Variants in ROBO2 observed in about 807,000 individuals in gnomAD.
ROBO2 encodes the protein roundabout guidance receptor 2.
A neutral mutation model predicts 160.8 loss-of-function variants in ROBO2; 53 were observed. That is an observed-to-expected ratio of 0.33 (90% CI 0.26 to 0.41). ROBO2 has a LOEUF of 0.41. Ranked by LOEUF, ROBO2 falls within the 10% of genes least tolerant of loss-of-function variation. The pLI is 1.00. For missense variants in ROBO2, 1,577 were observed against 1,722.4 expected (o/e 0.92, Z 1.49); for synonymous variants, 664 against 611.7 (o/e 1.09, Z -1.26).
At chr3:76,089,891 G>C (rs2069160905) in intron 2 of ROBO2, among the ~76,000 whole-genome samples, 1 of 152,068 alleles carries the variant, frequency 6.6e-6, no homozygotes, top group African/African-American at 2.4e-5. Flanking sequence ...AACTTTCCTT[G>C]TTTGCAGATG....
At chr3:77,310,817 A>G (rs981985222) in intron 2 of ROBO2, among the ~76,000 whole-genome samples, 2 of 151,576 alleles carry the variant, frequency 1.3e-5, no homozygotes, top group Non-Finnish European at 2.9e-5. Flanking sequence ...TATTTAATAT[A>G]GAATTCAGTG....
chr3:77,221,322 G>A (rs528974368), intron 2 of ROBO2, among the ~76,000 whole-genome samples: 32 of 152,256 alleles, frequency 2.1e-4, no homozygotes, highest in African/African-American at 7.2e-4. Context: ...AGTTGTATAG[G>A]ATTACATTGT....
intron 2 of ROBO2, among the ~76,000 whole-genome samples, chr3:76,611,151 C>G (rs1000097290): frequency 1.3e-5 from 2 of 151,954 alleles, no homozygotes; most frequent in African/African-American, 2.4e-5. Flanking sequence ...GAGGGTAGGA[C>G]GGGGTTAGAA....
intron 2 of ROBO2, among the ~76,000 whole-genome samples, chr3:76,238,689 T>C (rs1705107033): frequency 6.6e-6 from 1 of 150,760 alleles, no homozygotes; most frequent in Non-Finnish European, 1.5e-5. Context: ...CTCCATGATC[T>C]AATCAACTCC....
intron 2 of ROBO2, among the ~76,000 whole-genome samples, chr3:75,963,318 C>T (rs151238612): frequency 1.7e-3 from 261 of 151,708 alleles, no homozygotes; most frequent in African/African-American, 6.2e-3. Context: ...TCCCAAGTAG[C>T]TAGAACTACA....
At chr3:75,941,994 C>T (rs74874515) in intron 2 of ROBO2, among the ~76,000 whole-genome samples, 5 of 152,262 alleles carry the variant, frequency 3.3e-5, no homozygotes, top group Middle Eastern at 3.4e-3. Flanking sequence ...TGCCTCCATT[C>T]GGTTCCTTAC....
At chr3:77,433,486 G>GTACATATATATATATATATA (rs1325507347) in intron 2 of ROBO2, among the ~76,000 whole-genome samples, 1,363 of 99,302 alleles carry the variant, frequency 0.014, 153 homozygotes, top group Non-Finnish European at 0.022. Flanking sequence ...CTGGCAACTT[G>GTACATATATATATATATATA]TATATATATA....
chr3:77,134,727 A>C (rs887757887), intron 2 of ROBO2, among the ~76,000 whole-genome samples: 2 of 152,198 alleles, frequency 1.3e-5, no homozygotes, highest in East Asian at 3.9e-4. Flanking sequence ...ATAAGATAAT[A>C]ATTTAATAAG....
chr3:77,634,641 AT>A (rs2095231830), intron 23 of ROBO2: 1 of 525,230 alleles, frequency 1.9e-6, no homozygotes, highest in African/African-American at 1.9e-5. Flanking sequence ...CATTTGTTTG[AT>A]TTTGAGGGGG....
intron 24 of ROBO2, among the ~76,000 whole-genome samples, chr3:77,643,412 A>G (rs1370556725): frequency 2.0e-5 from 3 of 152,192 alleles, no homozygotes; most frequent in African/African-American, 7.2e-5. Flanking sequence ...CTCAAATTAG[A>G]TAAGGTTATA....
chr3:75,995,264 G>T (rs1340983764), intron 2 of ROBO2, among the ~76,000 whole-genome samples: 1 of 152,096 alleles, frequency 6.6e-6, no homozygotes, highest in Non-Finnish European at 1.5e-5. Context: ...GGAAAAAATG[G>T]TTTCCAGGAC....
intron 2 of ROBO2, among the ~76,000 whole-genome samples, chr3:76,002,663 T>C (rs545237508): frequency 2.6e-5 from 4 of 152,256 alleles, no homozygotes; most frequent in African/African-American, 9.6e-5. Context: ...GTTAAACCTC[T>C]TTTTCTGTAT....
intron 2 of ROBO2, among the ~76,000 whole-genome samples, chr3:76,157,413 AT>A (rs149478843): frequency 0.038 from 5,755 of 152,278 alleles, 118 homozygotes; most frequent in Middle Eastern, 0.071. Context: ...ATGTAAAAAA[AT>A]GAAAGTATTT....
At chr3:76,549,268 A>G (rs1222233537) in intron 2 of ROBO2, among the ~76,000 whole-genome samples, 2 of 152,160 alleles carry the variant, frequency 1.3e-5, no homozygotes, top group African/African-American at 4.8e-5. Flanking sequence ...GAGTTCTGGC[A>G]ATGTGAATAT....
intron 2 of ROBO2, among the ~76,000 whole-genome samples, chr3:76,944,527 A>C (rs1211666617): frequency 1.3e-5 from 2 of 152,222 alleles, no homozygotes; most frequent in East Asian, 3.8e-4. Flanking sequence ...GTTATGTTTT[A>C]AGAAACTGAA....
chr3:76,228,857 A>G (rs1464921699), intron 2 of ROBO2, among the ~76,000 whole-genome samples: 1 of 152,142 alleles, frequency 6.6e-6, no homozygotes, highest in Non-Finnish European at 1.5e-5. Context: ...AAATATCCTT[A>G]AAAAATTAGT....
intron 2 of ROBO2, among the ~76,000 whole-genome samples, chr3:76,318,741 T>G (rs537815782): frequency 5.7e-4 from 86 of 152,202 alleles, no homozygotes; most frequent in African/African-American, 2.0e-3. Context: ...GCAATTTCAT[T>G]TTTTTTAGTT....
chr3:77,576,226 C>A (rs570947135), intron 14 of ROBO2, among the ~76,000 whole-genome samples: 1 of 152,098 alleles, frequency 6.6e-6, no homozygotes, highest in South Asian at 2.1e-4. Context: ...TAGGAAAGAC[C>A]AGTACTCTAT....
At chr3:76,535,424 G>C (rs1284236306) in intron 2 of ROBO2, among the ~76,000 whole-genome samples, 2 of 152,042 alleles carry the variant, frequency 1.3e-5, no homozygotes, top group Non-Finnish European at 2.9e-5. Context: ...AGGGTGATTA[G>C]GTTTTAATGG....
Sources: gnomAD v4.1 joint callset for allele counts (sites outside exome capture counted in the v4.1 genomes callset) on GRCh38, gnomAD v4.1.1 for gene constraint, MANE v1.5 for transcripts, NCBI Gene and HGNC (gene_info 2026-07-23, HGNC 2026-07-21) for gene names.